USP33: variants seen among roughly 807,000 people sequenced by gnomAD.
USP33 encodes ubiquitin carboxyl-terminal hydrolase 33.
In USP33, 46 loss-of-function variants were observed where a neutral mutation model predicts 124.2. The ratio of observed to expected loss-of-function variants is 0.37; its 90% CI spans 0.29 to 0.47. The LOEUF is 0.47. Ranked by LOEUF, USP33 falls within the 20% of genes least tolerant of loss-of-function variation. The pLI is 0.99. For synonymous variants in USP33, 350 were observed against 352.3 expected, an observed-to-expected ratio of 0.99 and a Z score of 0.07; for missense variants, 851 against 1,070.6, an observed-to-expected ratio of 0.79 and a Z score of 2.86.
rs141901370 is a variant in USP33 at position 77,737,173 on chromosome 1, C to T, written c.352-1015G>A. On this transcript the variant is annotated intron_variant, in intron 5 of 23. Transcript: ENST00000370794. ...CAATGAACCAACATTCAGCAACACC[C>T]AAACAGAGAAGGAAACTGAATAGCA... Among the ~76,000 whole-genome samples the T allele has an allele frequency of 2.2e-4, 34 of 152,158 alleles. 1 individual carries two copies. Among genetic ancestry groups the T allele is most frequent in the African/African-American group, 7.7e-4 (32 of 41,532 alleles).
intron 1 of USP33, among the ~76,000 whole-genome samples, chr1:77,758,754 GA>G (rs1681040548): frequency 6.6e-6 from 1 of 152,116 alleles, no homozygotes; most frequent in South Asian, 2.1e-4. Context: ...TTTCTTAAAG[GA>G]AAAATAATCT....
chr1:77,697,753 G>T, intron 23 of USP33, 110 bp downstream of exon 23: 1 of 1,126,386 alleles, frequency 8.9e-7, no homozygotes, highest in Non-Finnish European at 1.3e-6. Flanking sequence ...TTAATGTATG[G>T]ATTACATTCT....
At chr1:77,733,848 G>T (rs911489133) in intron 7 of USP33, among the ~76,000 whole-genome samples, 1 of 152,144 alleles carries the variant, frequency 6.6e-6, no homozygotes, top group African/African-American at 2.4e-5. Flanking sequence ...CCAAGGGAAA[G>T]GGTAATGTCA....
intron 5 of USP33, among the ~76,000 whole-genome samples, chr1:77,736,629 G>A (rs983697155): frequency 6.7e-5 from 10 of 149,124 alleles, no homozygotes; most frequent in African/African-American, 9.9e-5. Flanking sequence ...TTTTTTTTCC[G>A]AAACAGAGTC....
chr1:77,721,090 C>A, intron 15 of USP33, 82 bp downstream of exon 15: 3 of 1,493,868 alleles, frequency 2.0e-6, no homozygotes, highest in Non-Finnish European at 2.8e-6. Flanking sequence ...AATACAGTGG[C>A]AAATTTAACT....
intron 7 of USP33, among the ~76,000 whole-genome samples, chr1:77,731,123 G>A (rs551103278): frequency 4.6e-5 from 7 of 152,170 alleles, no homozygotes; most frequent in Non-Finnish European, 8.8e-5. Flanking sequence ...AGGATTCCTC[G>A]GGACTTGATC....
At chr1:77,744,189 C>T (rs1679479859) in intron 1 of USP33, among the ~76,000 whole-genome samples, 1 of 150,502 alleles carries the variant, frequency 6.6e-6, no homozygotes. Context: ...GAATTGTGTT[C>T]GGAACAAAGC....
intron 17 of USP33, among the ~76,000 whole-genome samples, chr1:77,716,810 A>G (rs1557829109): frequency 6.6e-6 from 1 of 151,890 alleles, no homozygotes; most frequent in African/African-American, 2.4e-5. Flanking sequence ...AATTTTTCCC[A>G]CCAGCCTGAC....
rs755755822 is a variant in USP33 at position 77,739,432 on chromosome 1, A to G, written c.199-15T>C. On this transcript the variant is annotated splice_polypyrimidine_tract_variant and intron_variant, in intron 4 of 23. Coordinates refer to ENST00000370794, the MANE Select transcript of USP33 (RefSeq NM_201624.3). ...TGCTTTGTCTCCTATATAATTTCAC[A>G]GTAGAGGGAAAAGAGGAACCAAAAT... is the stretch of plus-strand genomic sequence containing the variant. The G allele has an allele frequency of 1.3e-6, 2 of 1,566,972 alleles. No individual in the cohort carries two copies. Among genetic ancestry groups the G allele is most frequent in the Admixed American group, 3.9e-5 (2 of 51,208 alleles).
At chr1:77,700,098 G>A (rs1322258972) in intron 22 of USP33, among the ~76,000 whole-genome samples, 1 of 152,200 alleles carries the variant, frequency 6.6e-6, no homozygotes, top group East Asian at 1.9e-4. Context: ...TGCATGCTGG[G>A]CTTGATACCT....
intron 15 of USP33, 90 bp from the exon 16 acceptor site, chr1:77,718,731 TC>T: frequency 9.8e-7 from 1 of 1,015,748 alleles, no homozygotes; most frequent in Non-Finnish European, 1.5e-6. Flanking sequence ...AATGCAGAGA[TC>T]CAGCCTGGCA....
chr1:77,718,064 T>A lies in USP33; in HGVS notation c.1738-17A>T. The stretch of plus-strand genomic sequence containing the variant: ...GCACAAAATCTAAAAAAGAATAAAA[T>A]TCAAAACTAATTTGTCAATACAGAA... On this transcript the variant is annotated splice_polypyrimidine_tract_variant and intron_variant, in intron 16 of 23. Coordinates refer to ENST00000370794, the MANE Select transcript of USP33 (RefSeq NM_201624.3). 1 of 1,572,280 alleles carries A rather than the reference T, an allele frequency of 6.4e-7. No homozygotes were observed. Among genetic ancestry groups the A allele is most frequent in the Non-Finnish European group, 8.6e-7 (1 of 1,159,110 alleles).
intron 1 of USP33, among the ~76,000 whole-genome samples, chr1:77,743,823 G>A (rs936681768): frequency 1.6e-4 from 25 of 152,082 alleles, no homozygotes; most frequent in Admixed American, 5.2e-4. Flanking sequence ...GGTTACTTTG[G>A]TTCTGTCTTT....
chr1:77,702,128 C>A (rs1674082418), intron 21 of USP33, among the ~76,000 whole-genome samples: 1 of 64,764 alleles, frequency 1.5e-5, no homozygotes, highest in Admixed American at 2.7e-4. Context: ...GGTGACAGAA[C>A]AAGACCCTGT....
chr1:77,714,252 G>A (rs969509510), intron 19 of USP33, among the ~76,000 whole-genome samples: 4 of 152,156 alleles, frequency 2.6e-5, no homozygotes, highest in African/African-American at 9.7e-5. Context: ...AATGCCTCAG[G>A]TAGGAAAAAT....
chr1:77,707,161 G>C (rs548965594), intron 21 of USP33, among the ~76,000 whole-genome samples: 1 of 152,194 alleles, frequency 6.6e-6, no homozygotes, highest in Admixed American at 6.5e-5. Flanking sequence ...TAGTTTCAGA[G>C]GGATGCTATA....
At chr1:77,723,688 G>A (rs1476204842) in intron 11 of USP33, among the ~76,000 whole-genome samples, 2 of 151,996 alleles carry the variant, frequency 1.3e-5, no homozygotes, top group Non-Finnish European at 2.9e-5. Context: ...TTTTGAGGTG[G>A]AGTCTCGCAC....
Position 77,728,285 on chromosome 1 carries a change from A to G in USP33, c.1135+10T>C, listed in dbSNP as rs773614741. On this transcript the variant is annotated intron_variant, in intron 10 of 23. Coordinates refer to ENST00000370794, the MANE Select transcript of USP33 (RefSeq NM_201624.3). ...CTATCATTTTCATGAACAAACTACT[A>G]AATTGTCACCTGAAGCTCTGCTGTG... 1.3e-6 allele frequency: 2 copies of G among 1,555,884 alleles called. No individual in the cohort carries two copies. The highest frequency in any genetic ancestry group is 1.2e-5 in the South Asian group (1 of 80,496).
intron 15 of USP33, chr1:77,720,656 T>C: frequency 1.0e-6 from 1 of 975,366 alleles, no homozygotes; most frequent in South Asian, 4.7e-5. Context: ...CACCAAGTCT[T>C]CCAACACTTT....
Sources: gnomAD v4.1 joint callset for allele counts (sites outside exome capture counted in the v4.1 genomes callset) on GRCh38, gnomAD v4.1.1 for gene constraint, MANE v1.5 for transcripts, NCBI Gene and HGNC (gene_info 2026-07-23, HGNC 2026-07-21) for gene names.